The following COL15A1 variants were observed in gnomAD, a reference collection of about 807,000 sequenced individuals.
The protein encoded by COL15A1 is collagen alpha-1(XV) chain.
Under a neutral mutation model 165.9 loss-of-function variants are expected in COL15A1, and 111 were observed. The ratio of observed to expected loss-of-function variants is 0.67; its 90% CI spans 0.57 to 0.78. COL15A1 has a LOEUF of 0.78. Ranked by LOEUF, COL15A1 falls within the 30% of genes least tolerant of loss-of-function variation. The probability of loss-of-function intolerance (pLI) is 0.00; values close to 1 mark genes in which losing one functional copy is unlikely to be tolerated. For missense variants in COL15A1, 1,745 were observed against 1,789.7 expected (o/e 0.98, Z 0.45); for synonymous variants, 659 against 674.8 (o/e 0.98, Z 0.36).
intron 2 of COL15A1, among the ~76,000 whole-genome samples, chr9:98,962,996 T>C (rs1413295): frequency 0.035 from 5,338 of 152,318 alleles, 481 homozygotes; most frequent in East Asian, 0.28. Flanking sequence ...AGCTTTCATT[T>C]CTCCATCCAC....
intron 13 of COL15A1, 97 bp downstream of exon 13, chr9:99,022,247 A>G (rs980595357): frequency 2.0e-6 from 3 of 1,525,108 alleles, no homozygotes; most frequent in East Asian, 2.3e-5. Context: ...TTGGCCCCCA[A>G]AGTATCTTGC....
rs558254369 is a variant in COL15A1, at chr9:98,962,898, C to T, written c.100+18648C>T. On this transcript the variant is annotated intron_variant, in intron 2 of 41. Transcript: ENST00000375001. ...AACTTGTCTATCACTGCTGGATCTC[C>T]GGCACTTAGAATAGTGCCTGCTGTA... Among the ~76,000 whole-genome samples the T allele has an allele frequency of 2.7e-3, 411 of 152,290 alleles. 2 individuals are homozygous for T. The highest frequency in any genetic ancestry group is 3.1e-3 in the South Asian group (15 of 4,828).
intron 18 of COL15A1, 97 bp from the exon 19 acceptor site, chr9:99,035,253 G>A (rs989300124): frequency 1.0e-4 from 163 of 1,596,300 alleles, no homozygotes; most frequent in Admixed American, 1.7e-5. Context: ...GAGGCTGTGC[G>A]GATTCCCCTG....
At chr9:99,058,640 C>T (rs1029548023) in intron 35 of COL15A1, among the ~76,000 whole-genome samples, 1 of 152,174 alleles carries the variant, frequency 6.6e-6, no homozygotes, top group Non-Finnish European at 1.5e-5. Flanking sequence ...ACTTTCATGG[C>T]CATTATCCCA....
At chr9:99,018,574 C>G (rs538361995) in intron 11 of COL15A1, among the ~76,000 whole-genome samples, 1 of 152,262 alleles carries the variant, frequency 6.6e-6, no homozygotes, top group South Asian at 2.1e-4. Context: ...TACAAGGATG[C>G]TAATCTCAGT....
At chr9:99,066,846 G>T in intron 39 of COL15A1, 36 bp from the exon 40 acceptor site, 1 of 1,586,052 alleles carries the variant, frequency 6.3e-7, no homozygotes, top group South Asian at 1.1e-5. Context: ...GTTTGCCTTT[G>T]ATTCTGACTG....
chr9:98,951,967 G>T (rs1837696161), intron 2 of COL15A1, among the ~76,000 whole-genome samples: 1 of 152,162 alleles, frequency 6.6e-6, no homozygotes, highest in South Asian at 2.1e-4. Context: ...GGCATAATGA[G>T]CATCTCTTTG....
At chr9:98,976,385 G>T (rs538349551) in intron 2 of COL15A1, among the ~76,000 whole-genome samples, 24 of 152,220 alleles carry the variant, frequency 1.6e-4, no homozygotes, top group Non-Finnish European at 2.8e-4. Flanking sequence ...GGAAAACTGA[G>T]ATCAGGGAGG....
intron 2 of COL15A1, among the ~76,000 whole-genome samples, chr9:98,949,541 A>G (rs1478464138): frequency 2.0e-5 from 3 of 152,172 alleles, no homozygotes; most frequent in Non-Finnish European, 4.4e-5. Context: ...CCAGCACTTG[A>G]TCTTGTCACT....
chr9:98,968,046 G>A (rs1308195317), intron 2 of COL15A1, among the ~76,000 whole-genome samples: 1 of 152,188 alleles, frequency 6.6e-6, no homozygotes, highest in African/African-American at 2.4e-5. Flanking sequence ...TAAGCAGACG[G>A]GCTATGGAGT....
At chr9:98,983,582 T>A (rs1313804816) in intron 2 of COL15A1, among the ~76,000 whole-genome samples, 1 of 152,202 alleles carries the variant, frequency 6.6e-6, no homozygotes, top group Non-Finnish European at 1.5e-5. Context: ...TTGTTATTAT[T>A]CTTTATAAGG....
chr9:99,020,291 C>A, intron 11 of COL15A1, 98 bp from the exon 12 acceptor site: 1 of 871,896 alleles, frequency 1.1e-6, no homozygotes, highest in South Asian at 1.4e-5. Flanking sequence ...AGCTCATGCC[C>A]AGCTCACTGA....
chr9:99,011,742 A>G (rs982256793), intron 9 of COL15A1, among the ~76,000 whole-genome samples: 17 of 152,018 alleles, frequency 1.1e-4, no homozygotes, highest in Admixed American at 3.9e-4. Context: ...ATTATGACAC[A>G]TTTGTCTATA....
chr9:99,019,251 T>A (rs1838987129), intron 11 of COL15A1, among the ~76,000 whole-genome samples: 1 of 152,180 alleles, frequency 6.6e-6, no homozygotes, highest in Non-Finnish European at 1.5e-5. Flanking sequence ...TAGAGTGCAG[T>A]GGCGTGATCT....
intron 17 of COL15A1, 89 bp from the exon 18 acceptor site, chr9:99,034,925 A>T: frequency 8.6e-7 from 1 of 1,157,056 alleles, no homozygotes; most frequent in East Asian, 2.3e-5. Context: ...AATTAACTTC[A>T]AGGAGTGATT....
At chr9:99,043,177 G>T (rs1374219931) in intron 24 of COL15A1, among the ~76,000 whole-genome samples, 1 of 151,786 alleles carries the variant, frequency 6.6e-6, no homozygotes, top group Non-Finnish European at 1.5e-5. Flanking sequence ...ATAATATAAT[G>T]GTCTCCAAGG....
chr9:99,052,363 T>C, intron 30 of COL15A1, 25 bp from the exon 31 acceptor site: 1 of 1,599,424 alleles, frequency 6.3e-7, no homozygotes, highest in Non-Finnish European at 8.6e-7. Context: ...TTGCAGTGCC[T>C]AACCTGGCCT....
At position 99,063,081 on chromosome 9, in the gene COL15A1, T is replaced by C. The variant is rs746151253; in HGVS notation, c.3623T>C (p.Ile1208Thr). 3 of 1,584,238 alleles carry C rather than the reference T, an allele frequency of 1.9e-6. No homozygotes were observed. The highest frequency in any genetic ancestry group is 1.9e-5 in the Admixed American group (1 of 51,662). The part of the protein sequence containing the change: ...PHQLLPPPNP[I>T]SSANYEKPAL... The stretch of plus-strand genomic sequence containing the variant: ...CAGCTTCTGCCTCCACCAAACCCTA[T>C]TTCAAGTGCCAATTATGAGAAGCCT... The change falls in exon 39 of 42, where the codon ATT becomes ACT. Residue 1208 changes from isoleucine (I) to threonine (T), a missense_variant. Physicochemically the swap from Ile to Thr is moderately conservative, Grantham distance 89. Coordinates refer to ENST00000375001, the MANE Select transcript of COL15A1 (RefSeq NM_001855.5).
chr9:98,953,509 C>CA (rs1474640054), intron 2 of COL15A1, among the ~76,000 whole-genome samples: 2 of 152,006 alleles, frequency 1.3e-5, no homozygotes, highest in Non-Finnish European at 2.9e-5. Context: ...AAACTCAACC[C>CA]AATCCAACCC....
Sources: allele counts gnomAD v4.1 joint callset (sites outside exome capture counted in the v4.1 genomes callset), GRCh38; gene constraint gnomAD v4.1.1; transcripts MANE v1.5; gene names NCBI Gene and HGNC (gene_info 2026-07-23, HGNC 2026-07-21).